The following ATP1B3 variants were observed in gnomAD, a reference collection of about 807,000 sequenced individuals.
The protein encoded by ATP1B3 is ATPase Na+/K+ transporting subunit beta 3.
Under a neutral mutation model 30.2 loss-of-function variants are expected in ATP1B3, and 10 were observed. The observed-to-expected ratio is 0.33, with a 90% confidence interval of 0.20 to 0.56. ATP1B3 has a LOEUF of 0.56. ATP1B3 is among the 20% of genes least tolerant of loss of function. The pLI is 0.90. For missense variants in ATP1B3, 238 were observed against 336.7 expected, an observed-to-expected ratio of 0.71 and a Z score of 2.29; for synonymous variants, 113 against 117.0, an observed-to-expected ratio of 0.97 and a Z score of 0.22.
At chr3:141,882,723 ACAGG>A (rs1268634990) in intron 1 of ATP1B3, among the ~76,000 whole-genome samples, 1 of 152,206 alleles carries the variant, frequency 6.6e-6, no homozygotes, top group Non-Finnish European at 1.5e-5. Context: ...AGCTGGGATT[ACAGG>A]CATGCGCTAC....
At chr3:141,917,594 G>T (rs896755902) in intron 5 of ATP1B3, among the ~76,000 whole-genome samples, 1 of 151,712 alleles carries the variant, frequency 6.6e-6, no homozygotes, top group Non-Finnish European at 1.5e-5. Flanking sequence ...TTCAGGAGAC[G>T]GAGGCAAAGG....
intron 3 of ATP1B3, among the ~76,000 whole-genome samples, chr3:141,908,953 C>T (rs1227686945): frequency 6.6e-6 from 1 of 152,160 alleles, no homozygotes; most frequent in Non-Finnish European, 1.5e-5. Context: ...CTGAGGCCAC[C>T]TGTGTCACTC....
intron 3 of ATP1B3, among the ~76,000 whole-genome samples, chr3:141,907,663 A>G (rs1934287468): frequency 6.6e-6 from 1 of 152,068 alleles, no homozygotes; most frequent in African/African-American, 2.4e-5. Context: ...AAGAGTCCCA[A>G]GTTGTGATTA....
chr3:141,918,829 A>G (rs1178236147), intron 5 of ATP1B3: 1 of 152,252 alleles, frequency 6.6e-6, no homozygotes, highest in Non-Finnish European at 1.5e-5. Flanking sequence ...TGAAAAACCC[A>G]GATTTAATGA....
intron 3 of ATP1B3, among the ~76,000 whole-genome samples, chr3:141,907,511 C>T (rs1009870493): frequency 2.6e-5 from 4 of 152,066 alleles, no homozygotes; most frequent in East Asian, 1.9e-4. Context: ...CGTGGTAGCA[C>T]GCGCCTGTAA....
Position 141,917,518 on chromosome 3 carries a change from A to C in ATP1B3, c.582+1498A>C, listed in dbSNP as rs538991991. ...AGACCATCCTGGCCAACATACTGAA[A>C]CCTCGTCTCTACTAAAATACAGAAA... is the stretch of plus-strand genomic sequence containing the variant. On this transcript the variant is annotated intron_variant, in intron 5 of 6. Transcript: ENST00000286371. 1.4e-3 allele frequency among the ~76,000 whole-genome samples: 211 copies of C among 151,672 alleles called. 6 individuals are homozygous for C. In the South Asian group the frequency reaches 0.041, roughly 30 times the overall value.
intron 3 of ATP1B3, among the ~76,000 whole-genome samples, 185 bp downstream of exon 3, chr3:141,907,459 T>C (rs1054348188): frequency 6.6e-6 from 1 of 151,506 alleles, no homozygotes; most frequent in South Asian, 2.1e-4. Context: ...CTGGCCAACA[T>C]GGTGAAACCC....
chr3:141,899,485 A>G (rs549951001), intron 1 of ATP1B3, among the ~76,000 whole-genome samples: 1 of 152,314 alleles, frequency 6.6e-6, no homozygotes, highest in Non-Finnish European at 1.5e-5. Flanking sequence ...CACAGGGTCT[A>G]GTCATGTGTT....
In ATP1B3 at chr3:141,916,139, G is replaced by A. The variant is rs1046862433; in HGVS notation, c.582+119G>A. 3.8e-6 allele frequency: 3 copies of A among 792,252 alleles called. No homozygotes were observed. In the African/African-American group the frequency reaches 5.2e-5, roughly 14 times the overall value. 49.1% of individuals were successfully genotyped at this position (792,252 alleles called of 1,614,324 possible). On this transcript the variant is annotated intron_variant, in intron 5 of 6. Transcript: ENST00000286371. ...GTCACATTTTAAAGTCCTTTGTAGT[G>A]CCTTAGAATAAAATTCCACCAACCG...
intron 1 of ATP1B3, chr3:141,902,357 A>G (rs1438311379): frequency 8.6e-6 from 5 of 581,160 alleles, no homozygotes; most frequent in East Asian, 6.7e-5. Flanking sequence ...AAAGTTATCT[A>G]GCTTTCAGCA....
At chr3:141,909,603 A>G (rs1318465817) in intron 3 of ATP1B3, among the ~76,000 whole-genome samples, 1 of 152,218 alleles carries the variant, frequency 6.6e-6, no homozygotes, top group Non-Finnish European at 1.5e-5. Flanking sequence ...CCTGAGGCTT[A>G]TGGTGCTGAT....
intron 1 of ATP1B3, among the ~76,000 whole-genome samples, chr3:141,898,730 C>A (rs1014128069): frequency 6.6e-6 from 1 of 152,146 alleles, no homozygotes; most frequent in African/African-American, 2.4e-5. Flanking sequence ...GTTTGACTCC[C>A]AGGTATATAC....
rs1369665314 is a variant in ATP1B3, at chr3:141,922,033, A to G, written c.639A>G (p.Lys213=). 1 of 1,542,854 alleles carries G rather than the reference A, an allele frequency of 6.5e-7. No individual in the cohort carries two copies. The highest frequency in any genetic ancestry group is 2.3e-5 in the East Asian group (1 of 43,702). The change falls in exon 6 of 7, where the codon AAA becomes AAG. Residue 213 remains lysine (K), a synonymous_variant. Transcript: ENST00000286371. ...VYPHNGMIDL[K]YFPYYGKKLH... is the part of the protein sequence containing the mutation. ...CTCATAATGGAATGATAGACTTAAAATATTTCCCATATTATGGGAAAAAAC... is the reference window on the plus strand; with the variant it reads ...CTCATAATGGAATGATAGACTTAAAGTATTTCCCATATTATGGGAAAAAAC...
At chr3:141,880,586 A>C (rs753706250) in intron 1 of ATP1B3, among the ~76,000 whole-genome samples, 3 of 152,194 alleles carry the variant, frequency 2.0e-5, no homozygotes, top group African/African-American at 7.2e-5. Context: ...GTAGTGGGCC[A>C]AGTGTTGCCA....
chr3:141,923,632 CTT>C (rs1273256784), intron 6 of ATP1B3, among the ~76,000 whole-genome samples: 2 of 152,200 alleles, frequency 1.3e-5, no homozygotes, highest in African/African-American at 2.4e-5. Context: ...AATCTGTAGA[CTT>C]TGTTGAAAAT....
Position 141,926,397 on chromosome 3 carries a change from A to G in ATP1B3, c.*696A>G, listed in dbSNP as rs1215195956. The stretch of plus-strand genomic sequence containing the variant: ...GTTAGCCAGTGTGACTATGCACCTA[A>G]TTTTTTATGAGATTAAATTCATAAG... On this transcript the variant is annotated 3_prime_UTR_variant, in exon 7 of 7. Transcript: ENST00000286371. 1 of 152,146 alleles carries G rather than the reference A, an allele frequency of 6.6e-6. No individual in the cohort carries two copies. Among genetic ancestry groups the G allele is most frequent in the Non-Finnish European group, 1.5e-5 (1 of 68,022 alleles). 9.4% of individuals were successfully genotyped at this position (152,146 alleles called of 1,614,324 possible).
rs917046263 is a variant in ATP1B3, at chr3:141,916,673, G to A, written c.582+653G>A. 42 of 896,806 alleles carry A rather than the reference G, an allele frequency of 4.7e-5. No homozygotes were observed. In the South Asian group the frequency reaches 4.8e-4, roughly 10 times the overall value. The allele number at this position is 896,806 out of a possible 1,614,324, so 55.6% of individuals were successfully genotyped here. ...ATGGCAGAAATATTTTACTTAGAAT[G>A]TTACATTGAAATCACTTTTAAAGTT... On this transcript the variant is annotated intron_variant, in intron 5 of 6. Transcript: ENST00000286371.
intron 1 of ATP1B3, among the ~76,000 whole-genome samples, chr3:141,901,244 T>C (rs1264785044): frequency 6.6e-6 from 1 of 152,200 alleles, no homozygotes; most frequent in East Asian, 1.9e-4. Context: ...ATAGGTTCCA[T>C]GAACACTATC....
chr3:141,904,658 C>G (rs1334020203), intron 2 of ATP1B3, among the ~76,000 whole-genome samples: 1 of 148,870 alleles, frequency 6.7e-6, no homozygotes, highest in African/African-American at 2.5e-5. Context: ...ACTGAAACAT[C>G]TAAACCACAT....
Sources: gnomAD v4.1 joint callset for allele counts (sites outside exome capture counted in the v4.1 genomes callset) on GRCh38, gnomAD v4.1.1 for gene constraint, MANE v1.5 for transcripts, NCBI Gene and HGNC (gene_info 2026-07-23, HGNC 2026-07-21) for gene names.